NDRG3: variants seen among roughly 807,000 people sequenced by gnomAD.
NDRG3 encodes NDRG family member 3.
NDRG3 carries 23 observed loss-of-function variants against 57.2 expected under a neutral mutation model. The observed-to-expected ratio is 0.40, with a 90% confidence interval of 0.29 to 0.57. The LOEUF (loss-of-function observed/expected upper bound fraction) is 0.57. NDRG3 is among the 20% of genes least tolerant of loss of function. NDRG3 has a pLI of 0.42. For synonymous variants in NDRG3, 132 were observed against 162.6 expected (o/e 0.81, Z 1.43); for missense variants, 384 against 457.3 (o/e 0.84, Z 1.46).
intron 2 of NDRG3, 123 bp downstream of exon 2, chr20:36,721,556 T>C: frequency 3.3e-6 from 2 of 612,016 alleles, no homozygotes; most frequent in South Asian, 2.3e-5. Flanking sequence ...ATTTTTAAAG[T>C]ATTCCTTTCA....
rs149483440 is a variant in NDRG3, at chr20:36,672,475, G to A, written c.532-1078C>T. Among the ~76,000 whole-genome samples the A allele has an allele frequency of 2.0e-4, 31 of 152,280 alleles. No homozygotes were observed. The East Asian group carries it at 3.9e-3, about 19-fold the overall frequency. On this transcript the variant is annotated intron_variant, in intron 8 of 15. Transcript: ENST00000349004. The stretch of plus-strand genomic sequence containing the variant: ...AGGATCATATAGTTCCAGAAAGACT[G>A]AGGAAGAAAGAAGTCCTGAAATCTT...
intron 2 of NDRG3, among the ~76,000 whole-genome samples, chr20:36,716,429 A>T (rs1310074012): frequency 1.3e-5 from 2 of 151,126 alleles, no homozygotes; most frequent in Non-Finnish European, 2.9e-5. Context: ...GCTACTTGGG[A>T]GGCTGAGGCA....
intron 1 of NDRG3, 42 bp downstream of exon 1, chr20:36,746,003 C>G: frequency 6.5e-6 from 2 of 309,858 alleles, no homozygotes; most frequent in East Asian, 4.6e-5. Flanking sequence ...CCGAATGCGG[C>G]GCCGCGCGCC....
intron 8 of NDRG3, among the ~76,000 whole-genome samples, chr20:36,676,632 T>C (rs1205007705): frequency 6.6e-6 from 1 of 152,154 alleles, no homozygotes; most frequent in Non-Finnish European, 1.5e-5. Context: ...CTGGCTAATG[T>C]TTTTATTTTT....
intron 8 of NDRG3, among the ~76,000 whole-genome samples, chr20:36,673,196 AG>A (rs1980336455): frequency 1.3e-5 from 2 of 152,204 alleles, no homozygotes; most frequent in Non-Finnish European, 2.9e-5. Flanking sequence ...GGCTGTGAGA[AG>A]GAATTTCCAT....
At chr20:36,696,739 C>T (rs1982825461) in intron 3 of NDRG3, among the ~76,000 whole-genome samples, 1 of 152,100 alleles carries the variant, frequency 6.6e-6, no homozygotes, top group African/African-American at 2.4e-5. Context: ...GATCCGCCCA[C>T]CTCGGCCTTC....
chr20:36,731,987 G>T (rs1005812539), intron 1 of NDRG3, among the ~76,000 whole-genome samples: 1 of 151,876 alleles, frequency 6.6e-6, no homozygotes, highest in African/African-American at 2.4e-5. Context: ...AGGGTGTGAT[G>T]GTATGTGCCT....
chr20:36,686,454 T>C (rs1981789376), intron 5 of NDRG3, among the ~76,000 whole-genome samples: 2 of 152,230 alleles, frequency 1.3e-5, no homozygotes, highest in Non-Finnish European at 2.9e-5. Context: ...GTTTGAGTAC[T>C]ATTTAAATAT....
intron 2 of NDRG3, among the ~76,000 whole-genome samples, chr20:36,716,667 T>A (rs1568662959): frequency 6.6e-6 from 1 of 152,218 alleles, no homozygotes; most frequent in East Asian, 1.9e-4. Context: ...AAGCCAAGTG[T>A]GGCCTTCTAC....
At chr20:36,712,399 T>C (rs1481189953) in intron 2 of NDRG3, among the ~76,000 whole-genome samples, 48 of 143,494 alleles carry the variant, frequency 3.3e-4, no homozygotes, top group African/African-American at 6.4e-4. Context: ...TTTTCTTTTT[T>C]TTTTTTTTTT....
chr20:36,712,377 GTTTCTT>G lies in NDRG3; in HGVS notation c.58-5376_58-5371del, dbSNP rs1263839695. Reference sequence around the variant, plus strand: ...TTCTGGGGCCCTTCCCTAGAGACTTGTTTCTTTTTCTTTTTCTTTTTTTTTTTTTTT... The same window carrying G: ...TTCTGGGGCCCTTCCCTAGAGACTTGTTTCTTTTTCTTTTTTTTTTTTTTT... On this transcript the variant is annotated intron_variant, in intron 2 of 15. Transcript: ENST00000349004. Among the ~76,000 whole-genome samples, 820 of 140,432 alleles carry G rather than the reference GTTTCTT, an allele frequency of 5.8e-3. 10 individuals are homozygous for G. Among genetic ancestry groups the G allele is most frequent in the African/African-American group, 0.02 (772 of 38,054 alleles). 92.1% of individuals were successfully genotyped at this position (140,432 alleles called of 152,430 possible).
At chr20:36,665,375 A>T in intron 10 of NDRG3, 74 bp from the exon 11 acceptor site, 1 of 1,304,544 alleles carries the variant, frequency 7.7e-7, no homozygotes, top group East Asian at 2.3e-5. Context: ...CTGGTCATAA[A>T]CACCAAAATT....
At position 36,662,003 on chromosome 20, in the gene NDRG3, G is replaced by A. The variant is rs151040481; in HGVS notation, c.811-1619C>T. 2.8e-4 allele frequency among the ~76,000 whole-genome samples: 42 copies of A among 152,226 alleles called. No homozygotes were observed. The East Asian group carries it at 5.2e-3, about 19-fold the overall frequency. Reference sequence around the variant, plus strand: ...AATGTACCCGTTCACTACAGAATGCGCATTAACTCTAAAAGGTAGAATTTA... The same window carrying A: ...AATGTACCCGTTCACTACAGAATGCACATTAACTCTAAAAGGTAGAATTTA... On this transcript the variant is annotated intron_variant, in intron 12 of 15. Coordinates refer to ENST00000349004, the MANE Select transcript of NDRG3 (RefSeq NM_032013.4).
chr20:36,673,734 T>C (rs1361115884), intron 8 of NDRG3, among the ~76,000 whole-genome samples: 1 of 152,222 alleles, frequency 6.6e-6, no homozygotes, highest in African/African-American at 2.4e-5. Context: ...ACTAGCAGTG[T>C]AATTTTAAGT....
At chr20:36,678,257 C>G (rs1457075315) in intron 8 of NDRG3, among the ~76,000 whole-genome samples, 2 of 152,074 alleles carry the variant, frequency 1.3e-5, no homozygotes, top group Non-Finnish European at 2.9e-5. Flanking sequence ...GTACCCAGGA[C>G]GCACATACAG....
At chr20:36,682,939 G>A (rs1179749018) in intron 6 of NDRG3, among the ~76,000 whole-genome samples, 2 of 147,298 alleles carry the variant, frequency 1.4e-5, no homozygotes, top group African/African-American at 2.5e-5. Flanking sequence ...GGTGGCGTGC[G>A]CCTGTTAAAA....
chr20:36,742,067 C>T (rs1339942696), intron 1 of NDRG3, among the ~76,000 whole-genome samples: 1 of 152,164 alleles, frequency 6.6e-6, no homozygotes, highest in Non-Finnish European at 1.5e-5. Context: ...AAAGTCAAAA[C>T]CCAAAGTGGT....
rs774215586 is a variant in NDRG3, at chr20:36,721,730, A to G, written c.6T>C (p.Asp2=). Residue 2 remains aspartate, a synonymous_variant, in exon 2 of 16, where the codon GAT becomes GAC. Transcript: ENST00000349004. ...CTGTGAGCTGAACATCCTGAAGTTC[A>G]TCCATGAGGTCAGATAACGAGAGTA... M[D]ELQDVQLTEI... 56 of 1,608,250 alleles carry G rather than the reference A, an allele frequency of 3.5e-5. No individual in the cohort carries two copies. The highest frequency in any genetic ancestry group is 4.8e-5 in the Non-Finnish European group (56 of 1,175,056).
intron 3 of NDRG3, among the ~76,000 whole-genome samples, chr20:36,700,252 T>C (rs1474735481): frequency 6.6e-6 from 1 of 151,840 alleles, no homozygotes; most frequent in Non-Finnish European, 1.5e-5. Context: ...TCTCAGCCCC[T>C]ACCATGCCAT....
Sources: gnomAD v4.1 joint callset for allele counts (sites outside exome capture counted in the v4.1 genomes callset) on GRCh38, gnomAD v4.1.1 for gene constraint, MANE v1.5 for transcripts, NCBI Gene and HGNC (gene_info 2026-07-23, HGNC 2026-07-21) for gene names.